LPP: variants seen among roughly 807,000 people sequenced by gnomAD.
LPP encodes the protein LIM domain containing preferred translocation partner in lipoma, also known as lipoma-preferred partner.
Under a neutral mutation model 60.4 loss-of-function variants are expected in LPP, and 38 were observed. That is an observed-to-expected ratio of 0.63 (90% CI 0.49 to 0.83). LPP has a LOEUF of 0.83. Among genes scored for constraint, LPP ranks in the 40% least tolerant of loss-of-function variants. The pLI, the probability that LPP is intolerant of heterozygous loss-of-function variation, is 0.00. For missense variants in LPP, 902 were observed against 783.6 expected, an observed-to-expected ratio of 1.15 and a Z score of -1.80; for synonymous variants, 328 against 290.8, an observed-to-expected ratio of 1.13 and a Z score of -1.30.
chr3:188,495,606 C>T (rs866483099), intron 5 of LPP, among the ~76,000 whole-genome samples: 3 of 152,100 alleles, frequency 2.0e-5, no homozygotes, highest in Admixed American at 6.6e-5. Flanking sequence ...CATGAACCTC[C>T]GAGGTAGTTT....
chr3:188,534,453 AGAGTGTTCTTGTTAG>A (rs1405358448), intron 6 of LPP, among the ~76,000 whole-genome samples: 1 of 152,236 alleles, frequency 6.6e-6, no homozygotes, highest in East Asian at 1.9e-4. Context: ...GCAAAATTAA[AGAGTGTTCTTGTTAG>A]GACTGGTTTC....
chr3:188,330,456 G>A (rs573880148), intron 2 of LPP, among the ~76,000 whole-genome samples: 181 of 152,238 alleles, frequency 1.2e-3, no homozygotes, highest in Admixed American at 1.6e-3. Flanking sequence ...TCCCCCACCT[G>A]TGAGCTTTTT....
intron 4 of LPP, among the ~76,000 whole-genome samples, chr3:188,436,713 G>A (rs1365989979): frequency 6.6e-6 from 1 of 152,094 alleles, no homozygotes; most frequent in Non-Finnish European, 1.5e-5. Context: ...GGTGTATAGT[G>A]GTAGGCCCAG....
At chr3:188,204,075 C>T (rs1317547346) in intron 1 of LPP, among the ~76,000 whole-genome samples, 1 of 152,082 alleles carries the variant, frequency 6.6e-6, no homozygotes, top group South Asian at 2.1e-4. Context: ...ACTGACCATA[C>T]CCCAATCAGA....
At chr3:188,269,911 G>A (rs1008138480) in intron 2 of LPP, among the ~76,000 whole-genome samples, 1 of 152,164 alleles carries the variant, frequency 6.6e-6, no homozygotes, top group African/African-American at 2.4e-5. Flanking sequence ...GCCTCCCAAA[G>A]TGCTGGGATT....
intron 4 of LPP, among the ~76,000 whole-genome samples, chr3:188,432,127 C>T (rs1462746551): frequency 6.6e-6 from 1 of 152,016 alleles, no homozygotes. Flanking sequence ...CTAATATTTC[C>T]ATTTTTCAAG....
chr3:188,521,417 T>C (rs530056153), intron 5 of LPP, among the ~76,000 whole-genome samples: 5 of 152,228 alleles, frequency 3.3e-5, no homozygotes, highest in East Asian at 1.9e-4. Context: ...TTCTGTGACT[T>C]GTTGAGTCTC....
At chr3:188,240,491 T>G (rs540530140) in intron 2 of LPP, among the ~76,000 whole-genome samples, 2 of 152,178 alleles carry the variant, frequency 1.3e-5, no homozygotes, top group Admixed American at 6.5e-5. Context: ...AAGGAAGTCT[T>G]ATACGTACTG....
intron 4 of LPP, among the ~76,000 whole-genome samples, chr3:188,420,738 G>A (rs1787571621): frequency 6.6e-6 from 1 of 152,072 alleles, no homozygotes; most frequent in Non-Finnish European, 1.5e-5. Flanking sequence ...TATTGTTGCT[G>A]CTTGAATAAA....
At chr3:188,328,198 G>A (rs1348366718) in intron 2 of LPP, among the ~76,000 whole-genome samples, 2 of 152,148 alleles carry the variant, frequency 1.3e-5, no homozygotes, top group African/African-American at 4.8e-5. Context: ...TGTGGAATGT[G>A]AAATCATATT....
At chr3:188,459,078 A>G (rs1445752262) in intron 4 of LPP, among the ~76,000 whole-genome samples, 1 of 152,188 alleles carries the variant, frequency 6.6e-6, no homozygotes, top group East Asian at 1.9e-4. Context: ...AATTAGCTAG[A>G]ATATCACTTA....
intron 7 of LPP, among the ~76,000 whole-genome samples, chr3:188,641,134 C>T (rs541543959): frequency 1.3e-5 from 2 of 152,028 alleles, no homozygotes; most frequent in South Asian, 4.4e-4. Context: ...TTGCAGGAAA[C>T]TGCGTTATGC....
At chr3:188,164,052 G>A (rs1471468100) in intron 1 of LPP, among the ~76,000 whole-genome samples, 1 of 152,078 alleles carries the variant, frequency 6.6e-6, no homozygotes, top group Non-Finnish European at 1.5e-5. Context: ...TACTATTTAT[G>A]AGGGTTGATA....
chr3:188,689,242 G>C (rs925555847), intron 7 of LPP, among the ~76,000 whole-genome samples: 1 of 152,138 alleles, frequency 6.6e-6, no homozygotes, highest in African/African-American at 2.4e-5. Context: ...CAAATCACTG[G>C]CTCTAGGCTG....
intron 6 of LPP, among the ~76,000 whole-genome samples, chr3:188,580,242 TA>T (rs796671194): frequency 0.025 from 3,735 of 146,534 alleles, 139 homozygotes; most frequent in African/African-American, 0.083. Context: ...GTTTCTCAAT[TA>T]AAAAAAAAAA....
At chr3:188,793,388 G>A (rs1263450789) in intron 9 of LPP, among the ~76,000 whole-genome samples, 1 of 151,954 alleles carries the variant, frequency 6.6e-6, no homozygotes, top group Non-Finnish European at 1.5e-5. Context: ...TGTCATGTTG[G>A]AGAGACTGGT....
At chr3:188,805,216 A>C (rs1199048776) in intron 9 of LPP, among the ~76,000 whole-genome samples, 1 of 152,018 alleles carries the variant, frequency 6.6e-6, no homozygotes, top group Admixed American at 6.6e-5. Flanking sequence ...TCATAAAAGG[A>C]ATTGATGAGT....
chr3:188,565,342 C>T (rs2150749295), intron 6 of LPP, among the ~76,000 whole-genome samples: 1 of 152,102 alleles, frequency 6.6e-6, no homozygotes, highest in African/African-American at 2.4e-5. Context: ...GAGGCTGGGA[C>T]TTCACCCCAG....
chr3:188,680,627 A>C (rs1859275134), intron 7 of LPP, among the ~76,000 whole-genome samples: 1 of 152,174 alleles, frequency 6.6e-6, no homozygotes, highest in Non-Finnish European at 1.5e-5. Flanking sequence ...GAAAATAATA[A>C]TTTTATTAAG....
Sources: allele counts gnomAD v4.1 joint callset (sites outside exome capture counted in the v4.1 genomes callset), GRCh38; gene constraint gnomAD v4.1.1; transcripts MANE v1.5; gene names NCBI Gene and HGNC (gene_info 2026-07-23, HGNC 2026-07-21).